The following MRC2 variants were observed in gnomAD, a reference collection of about 807,000 sequenced individuals.
MRC2 encodes C-type mannose receptor 2.
Under a neutral mutation model 206.2 loss-of-function variants are expected in MRC2, and 84 were observed. That is an observed-to-expected ratio of 0.41 (90% confidence interval 0.34 to 0.49). The LOEUF (loss-of-function observed/expected upper bound fraction) is 0.49. Ranked by LOEUF, MRC2 falls within the 20% of genes least tolerant of loss-of-function variation. The pLI is 0.31. For synonymous variants in MRC2, 798 were observed against 800.0 expected, an observed-to-expected ratio of 1.00 and a Z score of 0.04; for missense variants, 1,676 against 2,001.5, an observed-to-expected ratio of 0.84 and a Z score of 3.10.
intron 12 of MRC2, 152 bp from the exon 13 acceptor site, chr17:62,678,352 C>CGG: frequency 3.4e-5 from 37 of 1,091,428 alleles, no homozygotes; most frequent in Admixed American, 3.3e-4. Flanking sequence ...CCCCAGACCT[C>CGG]TGCAGATGAA....
chr17:62,664,485 C>A lies in MRC2; in HGVS notation c.119-63C>A, dbSNP rs1479087307. 2 of 1,531,288 alleles carry A rather than the reference C, an allele frequency of 1.3e-6. No homozygotes were observed. The highest frequency in any genetic ancestry group is 1.3e-5 in the South Asian group (1 of 79,632). 94.9% of individuals were successfully genotyped at this position (1,531,288 alleles called of 1,614,324 possible). ...CATGGTAGGTGCCTGTCAGCCACAC[C>A]GGTCATCAAGGGCCAACCAGGAGAG... On this transcript the variant is annotated intron_variant, in intron 1 of 29. Transcript: ENST00000303375. The surrounding 1 kb of genome is among the most constrained non-coding windows in gnomAD (Gnocchi z 4.7).
chr17:62,634,995 T>C (rs2147428197), intron 1 of MRC2, among the ~76,000 whole-genome samples: 1 of 152,046 alleles, frequency 6.6e-6, no homozygotes, highest in Non-Finnish European at 1.5e-5. Context: ...CACGCCCAGC[T>C]AATTTTTGTA....
intron 1 of MRC2, among the ~76,000 whole-genome samples, chr17:62,660,627 C>T (rs542613886): frequency 1.3e-5 from 2 of 152,268 alleles, no homozygotes; most frequent in South Asian, 4.1e-4. Flanking sequence ...CAAACAACCC[C>T]ACCCTAGCAA....
intron 11 of MRC2, among the ~76,000 whole-genome samples, chr17:62,676,823 G>A (rs1057076229): frequency 1.3e-5 from 2 of 152,200 alleles, no homozygotes; most frequent in African/African-American, 4.8e-5. Context: ...GCTAATATGT[G>A]TAAAGAGTTA....
intron 6 of MRC2, among the ~76,000 whole-genome samples, chr17:62,670,700 G>C (rs991978418): frequency 1.4e-4 from 22 of 152,308 alleles, no homozygotes; most frequent in African/African-American, 5.1e-4. Flanking sequence ...CTCAGCCCTG[G>C]GGTTCAGGGT....
rs771271072 is a variant in MRC2, at chr17:62,680,758, C to T, written c.2474-42C>T. ...CCGCCTCCGGGGCCTGGCGTGCAGCCTCTGCCTGGCCGCCGCTCCCACGCC... is the reference window on the plus strand; with the variant it reads ...CCGCCTCCGGGGCCTGGCGTGCAGCTTCTGCCTGGCCGCCGCTCCCACGCC... On this transcript the variant is annotated intron_variant, in intron 16 of 29. Transcript: ENST00000303375. This position sits in a 1 kb window ranked among gnomAD's most constrained non-coding sequence, Gnocchi z 4.8. 3.0e-5 allele frequency: 45 copies of T among 1,515,450 alleles called. No individual in the cohort carries two copies. The highest frequency in any genetic ancestry group is 3.9e-5 in the Non-Finnish European group (44 of 1,133,896). 93.9% of individuals were successfully genotyped at this position (1,515,450 alleles called of 1,614,324 possible).
At chr17:62,689,325 C>T (rs1254514824) in intron 23 of MRC2, 197 bp from the exon 24 acceptor site, 2 of 582,986 alleles carry the variant, frequency 3.4e-6, no homozygotes, top group South Asian at 2.3e-5. Flanking sequence ...AAGGCCCTCA[C>T]CTCCCTGTCC....
intron 1 of MRC2, among the ~76,000 whole-genome samples, chr17:62,643,605 A>G (rs1036280718): frequency 4.6e-5 from 7 of 152,254 alleles, no homozygotes; most frequent in Non-Finnish European, 1.0e-4. Flanking sequence ...AGATAAGACT[A>G]TAAAAGATCT....
intron 1 of MRC2, among the ~76,000 whole-genome samples, chr17:62,644,289 G>T (rs1049370116): frequency 1.3e-5 from 2 of 151,974 alleles, no homozygotes; most frequent in African/African-American, 4.8e-5. Context: ...TGTGGTGATG[G>T]GCACCTGTAA....
At position 62,672,991 on chromosome 17, in the gene MRC2, CAAA is replaced by C. The variant is rs10640837; in HGVS notation, c.1461+850_1461+852del. 7.0e-6 allele frequency among the ~76,000 whole-genome samples: 1 copy of C among 143,380 alleles called. No individual in the cohort carries two copies. The highest frequency in any genetic ancestry group is 1.5e-5 in the Non-Finnish European group (1 of 65,970). 94.1% of individuals were successfully genotyped at this position (143,380 alleles called of 152,430 possible). A position where few individuals can be genotyped will look rare whatever the true frequency, so the allele number is the denominator to read the frequency against. On this transcript the variant is annotated intron_variant, in intron 8 of 29. Transcript: ENST00000303375. This position sits in a 1 kb window ranked among gnomAD's most constrained non-coding sequence, Gnocchi z 4.5. Reference sequence around the variant, plus strand: ...TGGGTGACAGAGCAAGACCCTGTCTCAAAAAAAAAAAAATAAAATAAAAAGGAG... The same window carrying C: ...TGGGTGACAGAGCAAGACCCTGTCTCAAAAAAAAAATAAAATAAAAAGGAG...
Position 62,692,838 on chromosome 17 carries a change from T to G in MRC2, c.*387T>G. 1 of 216,884 alleles carries G rather than the reference T, an allele frequency of 4.6e-6. No individual in the cohort carries two copies. The highest frequency in any genetic ancestry group is 7.7e-5 in the South Asian group (1 of 12,914). The allele number at this position is 216,884 out of a possible 1,614,324, so 13.4% of individuals were successfully genotyped here. ...TGCAGAGCCCGAGGAGCCTCCCCTG[T>G]CCCCTCGGGCAGATCTGTTGTGTCT... On this transcript the variant is annotated 3_prime_UTR_variant, in exon 30 of 30. Transcript: ENST00000303375. This position sits in a 1 kb window ranked among gnomAD's most constrained non-coding sequence, Gnocchi z 4.2.
At chr17:62,638,535 C>A (rs564012128) in intron 1 of MRC2, among the ~76,000 whole-genome samples, 2 of 151,452 alleles carry the variant, frequency 1.3e-5, no homozygotes, top group East Asian at 2.0e-4. Flanking sequence ...GTCAGGAGTT[C>A]GAGACCAGCC....
rs1396717765 is a variant in MRC2, at chr17:62,664,304, T to C, written c.119-244T>C. Among the ~76,000 whole-genome samples, 1 of 152,010 alleles carries C rather than the reference T, an allele frequency of 6.6e-6. No individual in the cohort carries two copies. Among genetic ancestry groups the C allele is most frequent in the Non-Finnish European group, 1.5e-5 (1 of 67,964 alleles). ...GTACAGAGGACTGAGTCCTCCCTCC[T>C]GGTGAGCAGGGGCTAGAACAGAGGT... is the stretch of plus-strand genomic sequence containing the variant. On this transcript the variant is annotated intron_variant, in intron 1 of 29. Coordinates refer to ENST00000303375, the MANE Select transcript of MRC2 (RefSeq NM_006039.5). The surrounding 1 kb of genome is among the most constrained non-coding windows in gnomAD (Gnocchi z 4.7).
In MRC2 at chr17:62,677,318, G is replaced by A. The variant is rs1462668137; in HGVS notation, c.1884G>A (p.Gly628=). ...CVALATGSAM[G]LWEVKNCTSF... ...CGCTGGCCACTGGCAGCGCCATGGG[G>A]CTGTGGGAGGTGAAGAACTGTACCT... The change falls in exon 12 of 30, where the codon GGG becomes GGA. Residue 628 remains glycine, a synonymous_variant. Coordinates refer to ENST00000303375, the MANE Select transcript of MRC2 (RefSeq NM_006039.5). 1.2e-6 allele frequency: 2 copies of A among 1,607,570 alleles called. No homozygotes were observed. The highest frequency in any genetic ancestry group is 2.7e-5 in the African/African-American group (2 of 74,874).
At position 62,690,025 on chromosome 17, in the gene MRC2, C is replaced by CA; in HGVS notation, c.3706dup (p.Thr1236AsnfsTer11). ...GGGCCTGGCGCACCACCAGCTGTGA[C>CA]ACCAAGCTGCAGGGGGCTGTGTGTG... On this transcript the variant is annotated frameshift_variant, in exon 25 of 30. Transcript: ENST00000303375. LOFTEE classifies it high-confidence loss of function. 1.2e-6 allele frequency: 2 copies of CA among 1,609,232 alleles called. No homozygotes were observed. Among genetic ancestry groups the CA allele is most frequent in the Non-Finnish European group, 1.7e-6 (2 of 1,177,900 alleles).
chr17:62,641,721 A>C (rs2088406531), intron 1 of MRC2, among the ~76,000 whole-genome samples: 1 of 152,248 alleles, frequency 6.6e-6, no homozygotes, highest in African/African-American at 2.4e-5. Context: ...AACATGGGTG[A>C]ATATTAGAGA....
At chr17:62,645,527 ATTTTTTTTTTTTTT>A (rs1164231785) in intron 1 of MRC2, among the ~76,000 whole-genome samples, 50 of 39,542 alleles carry the variant, frequency 1.3e-3, no homozygotes, top group African/African-American at 4.2e-3. Context: ...ATATATATAT[ATTTTTTTTTTTTTT>A]TTTTTTTTTT....
At chr17:62,661,653 G>A (rs2088683620) in intron 1 of MRC2, 1 of 150,474 alleles carries the variant, frequency 6.6e-6, no homozygotes, top group Non-Finnish European at 1.5e-5. Flanking sequence ...GGAGGAAAGA[G>A]TAGAACAAAG....
intron 1 of MRC2, among the ~76,000 whole-genome samples, chr17:62,630,893 G>A (rs753611865): frequency 2.6e-5 from 4 of 151,994 alleles, no homozygotes; most frequent in Non-Finnish European, 5.9e-5. Context: ...GTTCCCCCAC[G>A]CAAAACTCAG....
Sources: allele counts gnomAD v4.1 joint callset (sites outside exome capture counted in the v4.1 genomes callset), GRCh38; gene constraint gnomAD v4.1.1; non-coding constraint Gnocchi (gnomAD v3.1); transcripts MANE v1.5; gene names NCBI Gene and HGNC (gene_info 2026-07-23, HGNC 2026-07-21).